Variants in SLC8A1 observed in about 807,000 individuals in gnomAD.
The protein encoded by SLC8A1 is sodium/calcium exchanger 1.
Under a neutral mutation model 68.3 loss-of-function variants are expected in SLC8A1, and 18 were observed. The observed-to-expected ratio is 0.26, with a 90% CI of 0.18 to 0.39. SLC8A1 has a LOEUF of 0.39. Ranked by LOEUF, SLC8A1 falls within the 10% of genes least tolerant of loss-of-function variation. The pLI, the probability that SLC8A1 is intolerant of heterozygous loss-of-function variation, is 1.00. For missense variants in SLC8A1, 985 were observed against 1,156.7 expected (o/e 0.85, Z 2.15); for synonymous variants, 475 against 415.5 (o/e 1.14, Z -1.74).
chr2:40,428,967 G>A, exon 2 of SLC8A1: 2 of 1,613,832 alleles, frequency 1.2e-6, no homozygotes, highest in Non-Finnish European at 1.7e-6. Context: ...CAAACACAGT[G>A]TTAGTCAAAT....
rs1283014958 is a variant in SLC8A1, at chr2:40,277,792, GTGTATATA to G, written c.1809-99945_1809-99938del. Among the ~76,000 whole-genome samples, 821 of 92,172 alleles carry G rather than the reference GTGTATATA, an allele frequency of 8.9e-3. 10 individuals are homozygous for G. The highest frequency in any genetic ancestry group is 0.037 in the African/African-American group (774 of 20,974). The allele number at this position is 92,172 out of a possible 152,430, so 60.5% of individuals were successfully genotyped here. ...CATATGTATAAATATATATATATGTGTGTATATATATATATATATATATATATATATAT... is the reference window on the plus strand; with the variant it reads ...CATATGTATAAATATATATATATGTGTATATATATATATATATATATATAT... On this transcript the variant is annotated intron_variant, in intron 2 of 7. Transcript: ENST00000406785.
chr2:40,426,579 C>CA (rs1417629362), intron 2 of SLC8A1, among the ~76,000 whole-genome samples: 1 of 151,936 alleles, frequency 6.6e-6, no homozygotes, highest in Non-Finnish European at 1.5e-5. Flanking sequence ...TCCTGAACTG[C>CA]AGAATAGATA....
At chr2:40,302,433 T>G (rs1469574424) in intron 2 of SLC8A1, among the ~76,000 whole-genome samples, 1 of 139,940 alleles carries the variant, frequency 7.1e-6, no homozygotes, top group Non-Finnish European at 1.5e-5. Flanking sequence ...TGGGTAGTAT[T>G]CCATTGTGTG....
intron 1 of SLC8A1, among the ~76,000 whole-genome samples, 167 bp downstream of exon 1, chr2:40,451,737 T>TCACACACACACACACACACACACA (rs756970142): frequency 6.7e-5 from 9 of 133,744 alleles, no homozygotes; most frequent in Admixed American, 1.5e-4. Context: ...ACACACCACA[T>TCACACACACACACACACACACACA]CACACACACA....
At chr2:40,366,578 C>T (rs2149493037) in intron 2 of SLC8A1, among the ~76,000 whole-genome samples, 1 of 152,154 alleles carries the variant, frequency 6.6e-6, no homozygotes, top group Middle Eastern at 3.4e-3. Flanking sequence ...CAATTATCCT[C>T]ATTTTATAGA....
At chr2:40,259,323 G>A (rs1158551306) in intron 2 of SLC8A1, among the ~76,000 whole-genome samples, 3 of 152,130 alleles carry the variant, frequency 2.0e-5, no homozygotes, top group African/African-American at 7.2e-5. Flanking sequence ...GTTTTCAACA[G>A]CTCCTTCCAC....
chr2:40,376,272 C>T (rs1194416771), intron 2 of SLC8A1, among the ~76,000 whole-genome samples: 1 of 152,076 alleles, frequency 6.6e-6, no homozygotes, highest in Non-Finnish European at 1.5e-5. Context: ...GTTTCTGTCT[C>T]AGATAAGCTA....
chr2:40,126,205 C>T (rs972511192), intron 7 of SLC8A1, among the ~76,000 whole-genome samples: 46 of 152,212 alleles, frequency 3.0e-4, no homozygotes, highest in African/African-American at 1.0e-3. Context: ...AACACATCTA[C>T]GCTGACTAAC....
chr2:40,133,022 C>G (rs2039703712), intron 7 of SLC8A1, among the ~76,000 whole-genome samples: 1 of 152,134 alleles, frequency 6.6e-6, no homozygotes, highest in South Asian at 2.1e-4. Flanking sequence ...TACCAATTTT[C>G]AGTTGATACA....
intron 2 of SLC8A1, among the ~76,000 whole-genome samples, chr2:40,338,000 C>G (rs1204443866): frequency 2.0e-5 from 3 of 151,936 alleles, no homozygotes; most frequent in Non-Finnish European, 2.9e-5. Context: ...ACAACATCAC[C>G]CAGCTCAGGA....
At chr2:40,504,178 T>C (rs1307313471) in intron 1 of SLC8A1, among the ~76,000 whole-genome samples, 2 of 151,896 alleles carry the variant, frequency 1.3e-5, no homozygotes, top group Non-Finnish European at 2.9e-5. Context: ...AACTCAGTTT[T>C]ACAAAGTTGC....
intron 1 of SLC8A1, among the ~76,000 whole-genome samples, chr2:40,479,681 G>A (rs1704507507): frequency 2.0e-5 from 3 of 152,182 alleles, no homozygotes; most frequent in Admixed American, 2.0e-4. Context: ...TCTAACTGGG[G>A]AAGGTAAGTA....
chr2:40,207,454 A>G (rs2055675976), intron 2 of SLC8A1, among the ~76,000 whole-genome samples: 1 of 152,026 alleles, frequency 6.6e-6, no homozygotes, highest in African/African-American at 2.4e-5. Context: ...GTTGGGTTCT[A>G]TTTCTTGAAT....
chr2:40,299,344 A>G (rs1178386118), intron 2 of SLC8A1, among the ~76,000 whole-genome samples: 1 of 152,148 alleles, frequency 6.6e-6, no homozygotes, highest in Non-Finnish European at 1.5e-5. Context: ...AAAACTTATT[A>G]AAGATAGGTT....
chr2:40,390,725 A>G (rs1364367125), intron 2 of SLC8A1, among the ~76,000 whole-genome samples: 2 of 152,082 alleles, frequency 1.3e-5, no homozygotes, highest in Non-Finnish European at 2.9e-5. Flanking sequence ...TAACAACCCG[A>G]TATGTAACTT....
intron 1 of SLC8A1, among the ~76,000 whole-genome samples, chr2:40,460,533 T>A (rs923717269): frequency 1.3e-5 from 2 of 152,102 alleles, no homozygotes; most frequent in African/African-American, 4.8e-5. Context: ...CTCCATGGCC[T>A]CTAGGAATTT....
In SLC8A1 at chr2:40,430,323, G is replaced by T. The variant is rs74642277; in HGVS notation, c.-24-19C>A. 5.8e-6 allele frequency: 9 copies of T among 1,549,446 alleles called. No homozygotes were observed. The highest frequency in any genetic ancestry group is 2.0e-5 in the Admixed American group (1 of 49,700). ...CAACCTACTGGTAAAAATAAGATGG[G>T]GGAGAGGGCAGAAAAAAAGTCATGT... On this transcript the variant is annotated intron_variant, in intron 1 of 7. Transcript: ENST00000406785.
chr2:40,330,834 GA>G (rs1295015945), intron 2 of SLC8A1, among the ~76,000 whole-genome samples: 1 of 152,144 alleles, frequency 6.6e-6, no homozygotes, highest in African/African-American at 2.4e-5. Flanking sequence ...CAAATGGCAA[GA>G]TTTACTGCCT....
chr2:40,500,140 A>ACAAG (rs1237657946), intron 1 of SLC8A1, among the ~76,000 whole-genome samples: 1 of 152,068 alleles, frequency 6.6e-6, no homozygotes, highest in African/African-American at 2.4e-5. Context: ...AAACAAACAA[A>ACAAG]CAAACAAACA....
Sources: gnomAD v4.1 joint callset for allele counts (sites outside exome capture counted in the v4.1 genomes callset) on GRCh38, gnomAD v4.1.1 for gene constraint, MANE v1.5 for transcripts, NCBI Gene and HGNC (gene_info 2026-07-23, HGNC 2026-07-21) for gene names.